CPNE8: variants seen among roughly 807,000 people sequenced by gnomAD.
CPNE8 encodes the protein copine 8, also known as copine-8.
CPNE8 carries 45 observed loss-of-function variants against 81.5 expected under a neutral mutation model. That is an observed-to-expected ratio of 0.55 (90% CI 0.44 to 0.71). The LOEUF (loss-of-function observed/expected upper bound fraction) is 0.71. Among genes scored for constraint, CPNE8 ranks in the 30% least tolerant of loss-of-function variants. CPNE8 has a pLI of 0.00. For missense variants in CPNE8, 594 were observed against 672.1 expected (o/e 0.88, Z 1.28); for synonymous variants, 252 against 226.3 (o/e 1.11, Z -1.02).
intron 6 of CPNE8, among the ~76,000 whole-genome samples, chr12:38,807,154 A>G (rs1293465527): frequency 1.3e-5 from 2 of 151,910 alleles, no homozygotes; most frequent in Admixed American, 1.3e-4. Context: ...AAGAATCAAT[A>G]TCGTGAAAAT....
chr12:38,702,396 T>C (rs1939969386), intron 14 of CPNE8, among the ~76,000 whole-genome samples: 1 of 152,144 alleles, frequency 6.6e-6, no homozygotes, highest in South Asian at 2.1e-4. Flanking sequence ...TAAGTAATTA[T>C]TAAAAATTAA....
At chr12:38,708,402 G>A (rs1940167724) in intron 13 of CPNE8, among the ~76,000 whole-genome samples, 1 of 151,272 alleles carries the variant, frequency 6.6e-6, no homozygotes, top group Non-Finnish European at 1.5e-5. Flanking sequence ...ATTTATATAA[G>A]ATTACTCCTG....
chr12:38,662,035 C>T (rs886399247), intron 19 of CPNE8, among the ~76,000 whole-genome samples: 3 of 152,156 alleles, frequency 2.0e-5, no homozygotes, highest in Non-Finnish European at 4.4e-5. Flanking sequence ...ATATGACAAA[C>T]CCACAGCTAA....
chr12:38,893,059 T>C (rs1944337121), intron 1 of CPNE8, among the ~76,000 whole-genome samples: 2 of 152,138 alleles, frequency 1.3e-5, no homozygotes, highest in Admixed American at 6.5e-5. Flanking sequence ...TAAAGTCTCA[T>C]GATCACACAA....
At chr12:38,744,396 C>G (rs537204916) in intron 10 of CPNE8, among the ~76,000 whole-genome samples, 36 of 152,308 alleles carry the variant, frequency 2.4e-4, no homozygotes, top group South Asian at 1.0e-3. Context: ...TTCACCCATT[C>G]AAAATCTAAG....
In CPNE8 at chr12:38,676,762, T is replaced by A. The variant is rs570417596; in HGVS notation, c.1374+690A>T. Among the ~76,000 whole-genome samples the A allele has an allele frequency of 2.6e-5, 4 of 152,302 alleles. No homozygotes were observed. The East Asian group carries it at 7.7e-4, about 29-fold the overall frequency. ...ATGGAACACTAGAGCAATCACATCT[T>A]TCGCTATGAAGATCACTGAAATATG... is the stretch of plus-strand genomic sequence containing the variant. On this transcript the variant is annotated intron_variant, in intron 17 of 19. Transcript: ENST00000331366.
chr12:38,779,001 T>C (rs1341776006), intron 6 of CPNE8, among the ~76,000 whole-genome samples: 2 of 152,166 alleles, frequency 1.3e-5, no homozygotes, highest in African/African-American at 2.4e-5. Context: ...TACTACATTA[T>C]CGTTTTCAGC....
chr12:38,739,549 C>T (rs1306408642), intron 10 of CPNE8, among the ~76,000 whole-genome samples: 2 of 152,094 alleles, frequency 1.3e-5, no homozygotes, highest in Non-Finnish European at 2.9e-5. Flanking sequence ...AATATCCTTG[C>T]CGTCCTGCAA....
rs377273520 is a variant in CPNE8 at position 38,845,934 on chromosome 12, CAT to C, written c.290+2623_290+2624del. Among the ~76,000 whole-genome samples the C allele has an allele frequency of 6.4e-4, 97 of 152,272 alleles. No individual in the cohort carries two copies. In the South Asian group the frequency reaches 0.018, roughly 28 times the overall value. On this transcript the variant is annotated intron_variant, in intron 4 of 19. Coordinates refer to ENST00000331366, the MANE Select transcript of CPNE8 (RefSeq NM_153634.3). ...TTGAATTTCTGAAACTAACAAAATACATGCAAAAGGTAAAACAATACTTATTT... is the reference window on the plus strand; with the variant it reads ...TTGAATTTCTGAAACTAACAAAATACGCAAAAGGTAAAACAATACTTATTT...
intron 6 of CPNE8, among the ~76,000 whole-genome samples, chr12:38,800,089 C>T (rs1421632289): frequency 3.0e-5 from 4 of 131,272 alleles, no homozygotes; most frequent in African/African-American, 5.2e-5. Flanking sequence ...GAGGGGCGCC[C>T]GCCATTGCCC....
At chr12:38,662,070 A>G (rs1052616336) in intron 19 of CPNE8, among the ~76,000 whole-genome samples, 1 of 152,200 alleles carries the variant, frequency 6.6e-6, no homozygotes, top group African/African-American at 2.4e-5. Context: ...GAAAATGTTG[A>G]AAACTTTTCC....
chr12:38,796,738 T>G (rs1942486106), intron 6 of CPNE8, among the ~76,000 whole-genome samples: 3 of 151,794 alleles, frequency 2.0e-5, no homozygotes, highest in Non-Finnish European at 4.4e-5. Flanking sequence ...CAAAGCAGGG[T>G]GAGGAATTGC....
At chr12:38,657,976 C>T (rs572316879) in intron 19 of CPNE8, among the ~76,000 whole-genome samples, 22 of 152,034 alleles carry the variant, frequency 1.4e-4, no homozygotes, top group Admixed American at 7.2e-4. Context: ...TTCTAAAAAC[C>T]AGAGCGCCAC....
intron 13 of CPNE8, among the ~76,000 whole-genome samples, chr12:38,712,403 C>T (rs1239845745): frequency 4.0e-5 from 6 of 151,752 alleles, no homozygotes; most frequent in African/African-American, 9.7e-5. Context: ...TATGGAGATG[C>T]GGGCACATTA....
intron 10 of CPNE8, among the ~76,000 whole-genome samples, chr12:38,749,763 T>G (rs1056340569): frequency 6.6e-6 from 1 of 152,126 alleles, no homozygotes; most frequent in Non-Finnish European, 1.5e-5. Context: ...ATTAGGGTGC[T>G]GTTAAAGGCA....
chr12:38,876,702 T>G (rs1358562554), intron 1 of CPNE8, among the ~76,000 whole-genome samples: 2 of 152,242 alleles, frequency 1.3e-5, no homozygotes, highest in African/African-American at 4.8e-5. Context: ...CCAATTATAT[T>G]TGGTAATAAT....
chr12:38,699,435 A>G (rs1939879577), intron 14 of CPNE8, among the ~76,000 whole-genome samples: 1 of 152,232 alleles, frequency 6.6e-6, no homozygotes, highest in Non-Finnish European at 1.5e-5. Flanking sequence ...TGTCAAGGAC[A>G]GCACACTGAT....
At chr12:38,802,909 G>A (rs555602062) in intron 6 of CPNE8, among the ~76,000 whole-genome samples, 1 of 149,716 alleles carries the variant, frequency 6.7e-6, no homozygotes, top group South Asian at 2.2e-4. Context: ...AAATCTAGAA[G>A]AAATAGATAC....
At chr12:38,765,942 T>C (rs1252057035) in intron 8 of CPNE8, among the ~76,000 whole-genome samples, 1 of 152,064 alleles carries the variant, frequency 6.6e-6, no homozygotes, top group African/African-American at 2.4e-5. Context: ...CACTGCAACC[T>C]CCGCCTCCCA....
Sources: allele counts gnomAD v4.1 joint callset (sites outside exome capture counted in the v4.1 genomes callset), GRCh38; gene constraint gnomAD v4.1.1; transcripts MANE v1.5; gene names NCBI Gene and HGNC (gene_info 2026-07-23, HGNC 2026-07-21).